SIPA1L3: variants seen among roughly 807,000 people sequenced by gnomAD.
SIPA1L3 encodes the protein signal-induced proliferation-associated 1-like protein 3.
A neutral mutation model predicts 150.1 loss-of-function variants in SIPA1L3; 59 were observed. The observed-to-expected ratio is 0.39, with a 90% CI of 0.32 to 0.49. The LOEUF is 0.49. Ranked by LOEUF, SIPA1L3 falls within the 20% of genes least tolerant of loss-of-function variation. SIPA1L3 has a pLI of 0.86. For synonymous variants in SIPA1L3, 1,070 were observed against 1,077.6 expected, an observed-to-expected ratio of 0.99 and a Z score of 0.14; for missense variants, 2,211 against 2,489.5, an observed-to-expected ratio of 0.89 and a Z score of 2.38.
At chr19:38,080,092 C>T (rs1969942008) in intron 2 of SIPA1L3, among the ~76,000 whole-genome samples, 1 of 152,136 alleles carries the variant, frequency 6.6e-6, no homozygotes, top group African/African-American at 2.4e-5. Context: ...CTGGGGAGAT[C>T]TCAGTGAAAA....
At chr19:38,120,853 C>A (rs1970999592) in intron 9 of SIPA1L3, among the ~76,000 whole-genome samples, 2 of 152,238 alleles carry the variant, frequency 1.3e-5, no homozygotes, top group African/African-American at 4.8e-5. Context: ...ATTGCCTCTG[C>A]AGTGGGTTTG....
intron 1 of SIPA1L3, among the ~76,000 whole-genome samples, chr19:37,987,315 G>A (rs941652456): frequency 1.3e-5 from 2 of 152,276 alleles, no homozygotes; most frequent in East Asian, 3.9e-4. Flanking sequence ...CTAGAAGTCT[G>A]CTTTTCAGAT....
At position 38,164,757 on chromosome 19, in the gene SIPA1L3, G is replaced by A. The variant is rs1174927202; in HGVS notation, c.4059G>A (p.Arg1353=). ...LCGGGREAAG[R]SHHADRRREV... is the part of the protein sequence containing the mutation. ...GCGGGGGTCGCGAGGCCGCTGGGAG[G>A]TCCCACCACGCAGACAGGCGGCGGG... is the stretch of plus-strand genomic sequence containing the variant. Residue 1353 remains arginine, a synonymous_variant, in exon 15 of 22, where the codon AGG becomes AGA. Transcript: ENST00000222345. The surrounding 1 kb of genome is among the most constrained non-coding windows in gnomAD (Gnocchi z 4.1). The A allele has an allele frequency of 4.3e-6, 7 of 1,612,846 alleles. No homozygotes were observed. The highest frequency in any genetic ancestry group is 1.3e-5 in the African/African-American group (1 of 74,888).
At chr19:38,145,807 T>C (rs1200520881) in intron 12 of SIPA1L3, among the ~76,000 whole-genome samples, 1 of 151,850 alleles carries the variant, frequency 6.6e-6, no homozygotes, top group Admixed American at 6.6e-5. Context: ...GCCACACCCA[T>C]CTCTTCCCCC....
At chr19:38,001,129 CAT>C (rs951765162) in intron 1 of SIPA1L3, among the ~76,000 whole-genome samples, 1 of 151,270 alleles carries the variant, frequency 6.6e-6, no homozygotes. Flanking sequence ...GTTAAGGAAT[CAT>C]GTGAGCTTGG....
chr19:38,059,025 CA>C (rs74176410), intron 2 of SIPA1L3, among the ~76,000 whole-genome samples: 15,925 of 90,822 alleles, frequency 0.18, 873 homozygotes, highest in Non-Finnish European at 0.19. Context: ...AACTCTGTCT[CA>C]AAAAAAAAAA....
chr19:38,040,545 C>T (rs1319609929), intron 2 of SIPA1L3, among the ~76,000 whole-genome samples: 1 of 152,130 alleles, frequency 6.6e-6, no homozygotes, highest in Non-Finnish European at 1.5e-5. Context: ...CAATCAGACT[C>T]ATCATTCCAG....
chr19:38,055,701 G>A (rs1599962309), intron 2 of SIPA1L3, among the ~76,000 whole-genome samples: 1 of 152,250 alleles, frequency 6.6e-6, no homozygotes, highest in African/African-American at 2.4e-5. Context: ...GAGTAACCCA[G>A]AGCAGGAGTG....
chr19:38,013,276 C>G (rs528793656), intron 1 of SIPA1L3, among the ~76,000 whole-genome samples: 1 of 152,040 alleles, frequency 6.6e-6, no homozygotes. Context: ...CATTTCAGCT[C>G]GTACCAGGTC....
intron 1 of SIPA1L3, among the ~76,000 whole-genome samples, chr19:37,948,634 A>G (rs977271733): frequency 9.9e-5 from 15 of 152,200 alleles, no homozygotes; most frequent in East Asian, 1.9e-4. Flanking sequence ...CACCTATGCC[A>G]TGGCACACAA....
intron 1 of SIPA1L3, chr19:37,964,913 T>C (rs899994168): frequency 1.3e-5 from 2 of 152,212 alleles, no homozygotes; most frequent in African/African-American, 4.8e-5. Context: ...CATCAGCATA[T>C]ATTAGACTCC....
At chr19:37,918,266 T>A (rs2046429140) in intron 1 of SIPA1L3, among the ~76,000 whole-genome samples, 1 of 151,618 alleles carries the variant, frequency 6.6e-6, no homozygotes, top group Admixed American at 6.6e-5. Context: ...TGTTTGATTG[T>A]TTGTTTGTTT....
chr19:38,039,523 A>G (rs1476301658), intron 2 of SIPA1L3, among the ~76,000 whole-genome samples: 1 of 151,596 alleles, frequency 6.6e-6, no homozygotes, highest in African/African-American at 2.4e-5. Context: ...GTGAAACCCC[A>G]TCTCTACTAA....
chr19:38,177,166 C>T (rs1972454010), intron 15 of SIPA1L3, among the ~76,000 whole-genome samples: 1 of 151,610 alleles, frequency 6.6e-6, no homozygotes, highest in Non-Finnish European at 1.5e-5. Flanking sequence ...TCGAGACCAC[C>T]CTGGCTAACA....
chr19:37,955,714 G>C (rs1329593921), intron 1 of SIPA1L3, among the ~76,000 whole-genome samples: 1 of 152,090 alleles, frequency 6.6e-6, no homozygotes, highest in Non-Finnish European at 1.5e-5. Flanking sequence ...TCGTTCATTT[G>C]TTCTTATTGC....
At chr19:38,087,053 A>AGTTCTT (rs1189657450) in intron 3 of SIPA1L3, among the ~76,000 whole-genome samples, 10 of 152,210 alleles carry the variant, frequency 6.6e-5, no homozygotes, top group Non-Finnish European at 1.2e-4. Context: ...GTTCTTGCTA[A>AGTTCTT]ACTGACTTAG....
At position 38,152,794 on chromosome 19, in the gene SIPA1L3, A is replaced by G; in HGVS notation, c.3534-46A>G. The stretch of plus-strand genomic sequence containing the variant: ...GGCTCAGGCTCAGGTGGTTTTCGAC[A>G]TAGGCTGATCTTTAACCCTGGGCAC... On this transcript the variant is annotated intron_variant, in intron 12 of 21. Transcript: ENST00000222345. The G allele has an allele frequency of 3.2e-6, 5 of 1,567,200 alleles. No individual in the cohort carries two copies. In the South Asian group the frequency reaches 3.6e-5, roughly 11 times the overall value.
At chr19:38,074,922 T>A (rs1035589175) in intron 2 of SIPA1L3, among the ~76,000 whole-genome samples, 4 of 152,146 alleles carry the variant, frequency 2.6e-5, no homozygotes, top group African/African-American at 9.7e-5. Context: ...TTTGTAGAGA[T>A]GGGGTTTCAC....
chr19:38,070,611 T>C (rs538189743), intron 2 of SIPA1L3, among the ~76,000 whole-genome samples: 31 of 152,366 alleles, frequency 2.0e-4, no homozygotes, highest in Admixed American at 1.0e-3. Flanking sequence ...AAATGGTGAA[T>C]AAATGAATAT....
Sources: allele counts gnomAD v4.1 joint callset (sites outside exome capture counted in the v4.1 genomes callset), GRCh38; gene constraint gnomAD v4.1.1; non-coding constraint Gnocchi (gnomAD v3.1); transcripts MANE v1.5; gene names NCBI Gene and HGNC (gene_info 2026-07-23, HGNC 2026-07-21).